TRAPPC13: variants seen among roughly 807,000 people sequenced by gnomAD.
TRAPPC13 encodes the protein REV7-interacting novel NHEJ regulator 1.
A neutral mutation model predicts 54.0 loss-of-function variants in TRAPPC13; 39 were observed. That is an observed-to-expected ratio of 0.72 (90% CI 0.56 to 0.94). The LOEUF (loss-of-function observed/expected upper bound fraction) is 0.94, where lower values mean the gene tolerates loss of function less well. Among genes scored for constraint, TRAPPC13 ranks in the 40% least tolerant of loss-of-function variants. The pLI, the probability that TRAPPC13 is intolerant of heterozygous loss-of-function variation, is 0.00. For missense variants in TRAPPC13, 386 were observed against 488.1 expected (o/e 0.79, Z 1.97); for synonymous variants, 148 against 167.7 (o/e 0.88, Z 0.91).
At position 65,647,180 on chromosome 5, in the gene TRAPPC13, CAT is replaced by C; in HGVS notation, c.427_428del (p.Ile143LeufsTer41). ...ATGAAGTCAAAGAAATTGGAACACA[CAT>C]GTAAGGATTAATTTTATTAGTTCTC... ...HHEVKEIGTH[I>X]LVCAVSYTTQ... On this transcript the variant is annotated frameshift_variant and splice_region_variant, in exon 5 of 13. Coordinates refer to ENST00000399438, the MANE Select transcript of TRAPPC13 (RefSeq NM_024941.4). LOFTEE classifies it high-confidence loss of function. 6.3e-7 allele frequency: 1 copy of C among 1,576,790 alleles called. No homozygotes were observed. Among genetic ancestry groups the C allele is most frequent in the South Asian group, 1.2e-5 (1 of 84,558 alleles).
rs528940052 is a variant in TRAPPC13, at chr5:65,660,918, G to A, written c.897+21G>A. On this transcript the variant is annotated intron_variant, in intron 10 of 12. Coordinates refer to ENST00000399438, the MANE Select transcript of TRAPPC13 (RefSeq NM_024941.4). The stretch of plus-strand genomic sequence containing the variant: ...GAATGGTGAGTCTGGAAAAAACTTC[G>A]CTGGGGTTTTGGTGTGTGAAAGACA... 8.3e-5 allele frequency: 131 copies of A among 1,587,630 alleles called. 1 individual carries two copies. In the Middle Eastern group the frequency reaches 1.2e-3, roughly 14 times the overall value.
intron 8 of TRAPPC13, among the ~76,000 whole-genome samples, chr5:65,656,622 G>C (rs1010166684): frequency 6.6e-6 from 1 of 151,940 alleles, no homozygotes; most frequent in Non-Finnish European, 1.5e-5. Flanking sequence ...TGTTTAAAAA[G>C]CTCAGCCAGG....
intron 12 of TRAPPC13, 33 bp from the exon 13 acceptor site, chr5:65,664,470 GA>G: frequency 6.3e-7 from 1 of 1,575,064 alleles, no homozygotes; most frequent in Non-Finnish European, 8.6e-7. Flanking sequence ...CTGAATGAAT[GA>G]AAACTTAGAC....
In TRAPPC13 at chr5:65,664,374, AG is replaced by A; in HGVS notation, c.1139del (p.Gly380AspfsTer8). On this transcript the variant is annotated frameshift_variant, in exon 12 of 13. Coordinates refer to ENST00000399438, the MANE Select transcript of TRAPPC13 (RefSeq NM_024941.4). LOFTEE classifies it high-confidence loss of function. ...GCCCTTACTCTGCTTTCTTCAGTAC[AG>A]GGACTGCAAGTATGCTGTCTTTTCA... ...CLALTLLSSV[Q>X]GLQSISGLRL... is the part of the protein sequence containing the mutation. 6.2e-7 allele frequency: 1 copy of A among 1,611,160 alleles called. No individual in the cohort carries two copies. The highest frequency in any genetic ancestry group is 8.5e-7 in the Non-Finnish European group (1 of 1,179,072).
chr5:65,663,297 C>G (rs1385794173), intron 11 of TRAPPC13: 1 of 152,026 alleles, frequency 6.6e-6, no homozygotes, highest in Non-Finnish European at 1.5e-5. Flanking sequence ...TTAGTTTCCT[C>G]TCTATATAAA....
At chr5:65,661,149 G>GT (rs1611067) in intron 10 of TRAPPC13, 199,287 of 322,086 alleles carry the variant, frequency 0.62, 62,378 homozygotes, top group South Asian at 0.66. Context: ...TAAAATAACT[G>GT]TTATTAAGTG....
At chr5:65,625,814 G>C (rs1755197236) in intron 1 of TRAPPC13, 1 of 151,924 alleles carries the variant, frequency 6.6e-6, no homozygotes, top group South Asian at 2.1e-4. Flanking sequence ...CAACAAATGC[G>C]CTTTTTGTTT....
At chr5:65,630,160 T>G in intron 1 of TRAPPC13, 1 of 1,536,052 alleles carries the variant, frequency 6.5e-7, no homozygotes, top group African/African-American at 1.4e-5. Flanking sequence ...TCAATCAAAT[T>G]ATTAGGCACA....
intron 1 of TRAPPC13, among the ~76,000 whole-genome samples, chr5:65,633,016 G>C (rs1236899048): frequency 1.3e-5 from 2 of 152,126 alleles, no homozygotes; most frequent in Non-Finnish European, 1.5e-5. Flanking sequence ...CATGGAGTTT[G>C]GAAAGGAGTG....
chr5:65,627,085 T>C (rs1252611243), intron 1 of TRAPPC13, among the ~76,000 whole-genome samples: 1 of 129,730 alleles, frequency 7.7e-6, no homozygotes, highest in Non-Finnish European at 1.6e-5. Flanking sequence ...TGAGCTGAGA[T>C]TGCGCCACTG....
intron 1 of TRAPPC13, chr5:65,629,569 G>A: frequency 6.6e-7 from 1 of 1,504,528 alleles, no homozygotes; most frequent in Non-Finnish European, 8.8e-7. Flanking sequence ...ATCACTAAGA[G>A]TAACTGGATT....
chr5:65,639,776 G>A (rs1755896969), intron 4 of TRAPPC13, among the ~76,000 whole-genome samples: 2 of 152,226 alleles, frequency 1.3e-5, no homozygotes, highest in Admixed American at 1.3e-4. Context: ...GAAGACCTTT[G>A]AAGTAGTGTA....
Position 65,664,629 on chromosome 5 carries a change from A to C in TRAPPC13, c.*18A>C. The C allele has an allele frequency of 6.3e-7, 1 of 1,586,280 alleles. No individual in the cohort carries two copies. The highest frequency in any genetic ancestry group is 8.6e-7 in the Non-Finnish European group (1 of 1,157,768). ...AAAGCTGAAGGAAACTTCCAATGTT[A>C]GGCTTTTCATTTAGTTTCACAGAAC... On this transcript the variant is annotated 3_prime_UTR_variant, in exon 13 of 13. Coordinates refer to ENST00000399438, the MANE Select transcript of TRAPPC13 (RefSeq NM_024941.4).
In TRAPPC13 at chr5:65,631,424, T is replaced by C. The variant is rs557888377; in HGVS notation, c.47-3877T>C. ...GGGGTACATGTGCAGATTTGTGATATGGGTAAATTGTGTGCCACAGGGGTT... is the reference window on the plus strand; with the variant it reads ...GGGGTACATGTGCAGATTTGTGATACGGGTAAATTGTGTGCCACAGGGGTT... On this transcript the variant is annotated intron_variant, in intron 1 of 12. Transcript: ENST00000399438. Among the ~76,000 whole-genome samples, 11 of 152,320 alleles carry C rather than the reference T, an allele frequency of 7.2e-5. No individual in the cohort carries two copies. The East Asian group carries it at 1.9e-3, about 27-fold the overall frequency.
intron 9 of TRAPPC13, among the ~76,000 whole-genome samples, chr5:65,660,192 C>T (rs1756801213): frequency 6.6e-6 from 1 of 151,890 alleles, no homozygotes; most frequent in Non-Finnish European, 1.5e-5. Context: ...TGGTATGTCT[C>T]TTATTATTCT....
Position 65,629,876 on chromosome 5 carries a change from T to A in TRAPPC13, c.46+4770T>A, listed in dbSNP as rs1400023198. ...AGATCTATTGGAGTTTCAACCTAGC[T>A]TGAAAAAGCAGCATTTAACCTGGTC... On this transcript the variant is annotated intron_variant, in intron 1 of 12. Coordinates refer to ENST00000399438, the MANE Select transcript of TRAPPC13 (RefSeq NM_024941.4). 2.6e-6 allele frequency: 4 copies of A among 1,535,952 alleles called. No individual in the cohort carries two copies. In the African/African-American group the frequency reaches 5.5e-5, roughly 21 times the overall value.
At chr5:65,627,458 C>A (rs781132668) in intron 1 of TRAPPC13, among the ~76,000 whole-genome samples, 5 of 151,848 alleles carry the variant, frequency 3.3e-5, no homozygotes, top group Non-Finnish European at 7.4e-5. Flanking sequence ...TATGAAACCC[C>A]GTCTCTACTG....
chr5:65,661,515 T>C (rs931804062), intron 10 of TRAPPC13: 16 of 152,406 alleles, frequency 1.0e-4, no homozygotes, highest in African/African-American at 3.9e-4. Context: ...TTTGAGGCAA[T>C]AATTTTTAAA....
intron 1 of TRAPPC13, among the ~76,000 whole-genome samples, chr5:65,634,736 C>CA (rs34033405): frequency 0.13 from 12,213 of 96,168 alleles, 1,039 homozygotes; most frequent in African/African-American, 0.27. Flanking sequence ...ACTAAAAATA[C>CA]AAAAAAAAAA....
Sources: gnomAD v4.1 joint callset for allele counts (sites outside exome capture counted in the v4.1 genomes callset) on GRCh38, gnomAD v4.1.1 for gene constraint, MANE v1.5 for transcripts, NCBI Gene and HGNC (gene_info 2026-07-23, HGNC 2026-07-21) for gene names.